Variants in CD36 observed in about 807,000 individuals in gnomAD.
CD36 encodes CD36 molecule (CD36 blood group), also known as platelet glycoprotein 4.
CD36 carries 119 observed loss-of-function variants against 55.2 expected under a neutral mutation model. That is an observed-to-expected ratio of 2.15 (90% CI 1.86 to 2.51). The LOEUF is 2.51. Ranked by LOEUF, CD36 falls within the 30% of genes most tolerant of loss-of-function variation. CD36 has a pLI of 0.00. For synonymous variants in CD36, 186 were observed against 193.6 expected (o/e 0.96, Z 0.33); for missense variants, 819 against 555.5 (o/e 1.47, Z -4.77).
At chr7:80,673,486 G>T in intron 13 of CD36, 77 bp downstream of exon 13, 1 of 856,858 alleles carries the variant, frequency 1.2e-6, no homozygotes, top group South Asian at 1.3e-5. Context: ...TCAAAAGAAT[G>T]TATAGTATTT....
intron 1 of CD36, among the ~76,000 whole-genome samples, chr7:80,621,869 T>G (rs1212998006): frequency 6.6e-6 from 1 of 152,246 alleles, no homozygotes; most frequent in Non-Finnish European, 1.5e-5. Context: ...GAAGACAGTT[T>G]AAAGCCTGAA....
At chr7:80,665,831 G>C (rs2116752417) in intron 7 of CD36, 1 of 152,204 alleles carries the variant, frequency 6.6e-6, no homozygotes, top group South Asian at 2.1e-4. Context: ...TATTACTATT[G>C]TTTTTATCAC....
rs548236756 is a variant in CD36, at chr7:80,644,819, G to C, written c.-183-1269G>C. On this transcript the variant is annotated intron_variant, in intron 1 of 14. Coordinates refer to ENST00000447544, the MANE Select transcript of CD36 (RefSeq NM_001001548.3). ...TGGCACATATGTTTTCTTTGGCCAT[G>C]AGCATTTCAAAGTAGAGAATAATTG... is the stretch of plus-strand genomic sequence containing the variant. 4.6e-5 allele frequency among the ~76,000 whole-genome samples: 7 copies of C among 152,236 alleles called. No individual in the cohort carries two copies. In the East Asian group the frequency reaches 9.7e-4, roughly 21 times the overall value.
chr7:80,607,359 G>A (rs1403789210), intron 1 of CD36, among the ~76,000 whole-genome samples: 2 of 152,116 alleles, frequency 1.3e-5, no homozygotes, highest in African/African-American at 4.8e-5. Flanking sequence ...CTGAGGCTTA[G>A]GGCTGGACGT....
rs752451717 is a variant in CD36, at chr7:80,661,119, C to T, written c.338C>T (p.Ser113Phe). 6 of 1,613,956 alleles carry T rather than the reference C, an allele frequency of 3.7e-6. No homozygotes were observed. Among genetic ancestry groups the T allele is most frequent in the Non-Finnish European group, 5.1e-6 (6 of 1,179,838 alleles). The change falls in exon 5 of 15, where the codon TCT (serine) becomes TTT (phenylalanine). Residue 113 changes from serine to phenylalanine, a missense_variant. Physicochemically the swap from Ser to Phe is radical, Grantham distance 155. Transcript: ENST00000447544. ...CAGGACGCTGAGGACAACACAGTCT[C>T]TTTCCTGCAGCCCAATGGTGCCATC... Reference protein sequence around the residue: ...VTQDAEDNTVSFLQPNGAIFE... With the variant: ...VTQDAEDNTVFFLQPNGAIFE...
chr7:80,636,175 G>C (rs1794386622), upstream of CD36, among the ~76,000 whole-genome samples: 1 of 152,134 alleles, frequency 6.6e-6, no homozygotes, highest in African/African-American at 2.4e-5. Context: ...AGAGAACGGA[G>C]AGGGGAGGAG....
chr7:80,641,035 C>T (rs918348012), intron 1 of CD36, among the ~76,000 whole-genome samples: 2 of 151,980 alleles, frequency 1.3e-5, no homozygotes, highest in African/African-American at 4.8e-5. Flanking sequence ...TTGTGGAGCC[C>T]ATGGGTTCTT....
intron 1 of CD36, among the ~76,000 whole-genome samples, chr7:80,642,250 T>A (rs1794869045): frequency 6.6e-6 from 1 of 152,126 alleles, no homozygotes; most frequent in African/African-American, 2.4e-5. Context: ...CTGTTTCTTA[T>A]AAAGGACAAG....
At chr7:80,672,893 ATCT>A in intron 12 of CD36, 50 bp downstream of exon 12, 1 of 1,171,842 alleles carries the variant, frequency 8.5e-7, no homozygotes, top group Non-Finnish European at 1.3e-6. Context: ...GTATCGTAGT[ATCT>A]TCTTGTAAGA....
chr7:80,671,585 G>T (rs1208777819), intron 10 of CD36, among the ~76,000 whole-genome samples: 1 of 152,018 alleles, frequency 6.6e-6, no homozygotes, highest in Non-Finnish European at 1.5e-5. Context: ...TGTATTTTCA[G>T]TATGTATCTA....
intron 1 of CD36, among the ~76,000 whole-genome samples, chr7:80,611,247 T>A (rs993052448): frequency 2.6e-5 from 4 of 152,168 alleles, no homozygotes; most frequent in Non-Finnish European, 5.9e-5. Context: ...TCTGCCCCCC[T>A]GTTGTGACCT....
At chr7:80,607,277 G>A (rs779381946) in intron 1 of CD36, among the ~76,000 whole-genome samples, 1 of 151,994 alleles carries the variant, frequency 6.6e-6, no homozygotes, top group Non-Finnish European at 1.5e-5. Flanking sequence ...TTGAAAAAAA[G>A]AAGAAAAAGA....
chr7:80,662,327 G>A (rs909509683), intron 5 of CD36: 9 of 167,442 alleles, frequency 5.4e-5, no homozygotes, highest in African/African-American at 1.9e-4. Flanking sequence ...TGGAGAGGAA[G>A]TCAGTTGTCC....
rs543791697 is a variant in CD36 at position 80,646,624 on chromosome 7, C to T, written c.-89-28C>T. The T allele has an allele frequency of 1.7e-5, 21 of 1,234,586 alleles. No homozygotes were observed. In the East Asian group the frequency reaches 4.9e-4, roughly 29 times the overall value. The allele number at this position is 1,234,586 out of a possible 1,614,324, so 76.5% of individuals were successfully genotyped here. A position where few individuals can be genotyped will look rare whatever the true frequency, so the allele number is the denominator to read the frequency against. ...TCTTTTTGTACTGATATTTAAGCTTCTGTTTTATGATCTCTTTCTAATGAT... is the reference window on the plus strand; with the variant it reads ...TCTTTTTGTACTGATATTTAAGCTTTTGTTTTATGATCTCTTTCTAATGAT... On this transcript the variant is annotated intron_variant, in intron 2 of 14. Coordinates refer to ENST00000447544, the MANE Select transcript of CD36 (RefSeq NM_001001548.3).
intron 1 of CD36, among the ~76,000 whole-genome samples, chr7:80,628,006 A>G (rs756683963): frequency 1.3e-5 from 2 of 152,028 alleles, no homozygotes; most frequent in African/African-American, 4.8e-5. Context: ...AAAAGAGTAC[A>G]TCTGTTCTTT....
At chr7:80,647,777 G>A (rs1160774728) in intron 3 of CD36, among the ~76,000 whole-genome samples, 1 of 152,150 alleles carries the variant, frequency 6.6e-6, no homozygotes, top group African/African-American at 2.4e-5. Context: ...TGTGTTTACT[G>A]CCTGAAGGCA....
In CD36 at chr7:80,621,887, C is replaced by T. The variant is rs543144361; in HGVS notation, c.-184+19508C>T. ...GACAGTTTAAAGCCTGAAAGCCACA[C>T]TACGAGTTAAACCCTCAGACTGCAT... On this transcript the variant is annotated intron_variant, in intron 1 of 13. Transcript: ENST00000309881. Among the ~76,000 whole-genome samples the T allele has an allele frequency of 2.0e-5, 3 of 152,330 alleles. No individual in the cohort carries two copies. In the South Asian group the frequency reaches 6.2e-4, roughly 32 times the overall value.
intron 5 of CD36, among the ~76,000 whole-genome samples, chr7:80,662,088 C>G (rs1423637923): frequency 6.6e-6 from 1 of 152,094 alleles, no homozygotes; most frequent in Non-Finnish European, 1.5e-5. Flanking sequence ...AACGGAAACA[C>G]AAAATCCTAA....
chr7:80,642,963 A>G (rs777517316), intron 1 of CD36, among the ~76,000 whole-genome samples: 1 of 152,126 alleles, frequency 6.6e-6, no homozygotes, highest in Admixed American at 6.6e-5. Flanking sequence ...TGTGTACACT[A>G]TCTCACTTCA....
Sources: gnomAD v4.1 joint callset for allele counts (sites outside exome capture counted in the v4.1 genomes callset) on GRCh38, gnomAD v4.1.1 for gene constraint, MANE v1.5 for transcripts, NCBI Gene and HGNC (gene_info 2026-07-23, HGNC 2026-07-21) for gene names.